CFAP69: variants seen among roughly 807,000 people sequenced by gnomAD.
The protein encoded by CFAP69 is cilia- and flagella-associated protein 69.
Under a neutral mutation model 123.0 loss-of-function variants are expected in CFAP69, and 92 were observed. The ratio of observed to expected loss-of-function variants is 0.75; its 90% confidence interval spans 0.63 to 0.89. The LOEUF is 0.89. Among genes scored for constraint, CFAP69 ranks in the 40% least tolerant of loss-of-function variants. The probability of loss-of-function intolerance (pLI) is 0.00; values close to 1 mark genes in which losing one functional copy is unlikely to be tolerated. For synonymous variants in CFAP69, 380 were observed against 364.3 expected, an observed-to-expected ratio of 1.04 and a Z score of -0.49; for missense variants, 1,067 against 1,096.9, an observed-to-expected ratio of 0.97 and a Z score of 0.39.
At chr7:90,309,521 A>T (rs1794069581) in intron 22 of CFAP69, among the ~76,000 whole-genome samples, 154 bp downstream of exon 22, 1 of 152,060 alleles carries the variant, frequency 6.6e-6, no homozygotes, top group African/African-American at 2.4e-5. Flanking sequence ...GTTCAAAAAA[A>T]ATTTTAAATT....
At chr7:90,279,233 G>A (rs1185595939) in intron 11 of CFAP69, among the ~76,000 whole-genome samples, 2 of 151,944 alleles carry the variant, frequency 1.3e-5, no homozygotes, top group Non-Finnish European at 2.9e-5. Context: ...TCTTTTTTAT[G>A]GTACACAACT....
chr7:90,309,574 G>A (rs1457417934), intron 22 of CFAP69, among the ~76,000 whole-genome samples: 3 of 151,246 alleles, frequency 2.0e-5, no homozygotes, highest in African/African-American at 4.9e-5. Context: ...AAAAACTTAG[G>A]CCCCCAAAAT....
chr7:90,304,960 TGAA>T (rs1793350832), intron 19 of CFAP69, 140 bp downstream of exon 19: 2 of 648,422 alleles, frequency 3.1e-6, no homozygotes, highest in South Asian at 4.5e-5. Flanking sequence ...CTGATGCTGT[TGAA>T]GAAATACACC....
intron 5 of CFAP69, among the ~76,000 whole-genome samples, chr7:90,267,819 A>G (rs1332823812): frequency 6.6e-6 from 1 of 152,222 alleles, no homozygotes; most frequent in Non-Finnish European, 1.5e-5. Flanking sequence ...AGTATCTAAC[A>G]CATGTAGAAC....
At position 90,282,815 on chromosome 7, in the gene CFAP69, G is replaced by T. The variant is rs1789682695; in HGVS notation, c.1373-77G>T. 8 of 1,164,842 alleles carry T rather than the reference G, an allele frequency of 6.9e-6. 2 individuals are homozygous for T. In the Middle Eastern group the frequency reaches 1.5e-3, roughly 218 times the overall value. 72.2% of individuals were successfully genotyped at this position (1,164,842 alleles called of 1,614,324 possible). Reference sequence around the variant, plus strand: ...AATTTTAACATTTGTTTAAACTTTTGATAGATGTATAAGATATCTGATATA... The same window carrying T: ...AATTTTAACATTTGTTTAAACTTTTTATAGATGTATAAGATATCTGATATA... On this transcript the variant is annotated intron_variant, in intron 12 of 22. Transcript: ENST00000389297.
chr7:90,291,035 T>C (rs148891282), intron 15 of CFAP69, among the ~76,000 whole-genome samples: 2 of 152,182 alleles, frequency 1.3e-5, no homozygotes, highest in East Asian at 3.9e-4. Context: ...GTAGGCACTT[T>C]AGCAAATTCT....
chr7:90,304,257 C>A (rs1411225297), intron 18 of CFAP69, 151 bp downstream of exon 18: 6 of 1,365,780 alleles, frequency 4.4e-6, no homozygotes, highest in African/African-American at 1.5e-5. Flanking sequence ...CCAAACTGCA[C>A]CCCTCACCAA....
chr7:90,313,843 G>A (rs1033228080), downstream of CFAP69, among the ~76,000 whole-genome samples: 1 of 152,166 alleles, frequency 6.6e-6, no homozygotes, highest in Non-Finnish European at 1.5e-5. Flanking sequence ...TATGCTTAGT[G>A]ACTTCTTTCC....
rs746718451 is a variant in CFAP69 at position 90,286,414 on chromosome 7, G to GAAAGTTTTGTTCAGGTCTCCCAGTCA, written c.1656+16_1656+41dup. On this transcript the variant is annotated intron_variant, in intron 14 of 22. Coordinates refer to ENST00000389297, the MANE Select transcript of CFAP69 (RefSeq NM_001039706.3). ...TTCAAAGGAAGGTATGTATGCCTGT[G>GAAAGTTTTGTTCAGGTCTCCCAGTCA]AAAGTTTTGTTCAGGTCTCCCAGTC... 5.0e-6 allele frequency: 8 copies of GAAAGTTTTGTTCAGGTCTCCCAGTCA among 1,608,520 alleles called. No individual in the cohort carries two copies. The Admixed American group carries it at 1.4e-4, about 27-fold the overall frequency.
intron 14 of CFAP69, among the ~76,000 whole-genome samples, chr7:90,287,323 G>A (rs904029708): frequency 9.2e-5 from 14 of 151,840 alleles, no homozygotes; most frequent in African/African-American, 2.7e-4. Context: ...CATTTCTCTC[G>A]GGTAAGTATC....
intron 9 of CFAP69, chr7:90,276,193 C>G (rs1198960893): frequency 6.6e-6 from 1 of 152,166 alleles, no homozygotes; most frequent in Non-Finnish European, 1.5e-5. Flanking sequence ...CTGTGACGAC[C>G]TCAGCCCACT....
chr7:90,289,587 T>C (rs1421116140), intron 15 of CFAP69, among the ~76,000 whole-genome samples: 1 of 152,190 alleles, frequency 6.6e-6, no homozygotes, highest in African/African-American at 2.4e-5. Context: ...ATTTTCACTC[T>C]CTTCACTCTC....
At chr7:90,275,590 C>CTTTTTTTTTTTT (rs57578763) in intron 9 of CFAP69, among the ~76,000 whole-genome samples, 1 of 62,040 alleles carries the variant, frequency 1.6e-5, no homozygotes, top group Admixed American at 2.8e-4. Flanking sequence ...GGCCAAAAGC[C>CTTTTTTTTTTTT]TTTTTTTTTT....
Position 90,245,348 on chromosome 7 carries a change from C to T in CFAP69, c.-77C>T. On this transcript the variant is annotated 5_prime_UTR_variant, in exon 1 of 23. Coordinates refer to ENST00000389297, the MANE Select transcript of CFAP69 (RefSeq NM_001039706.3). ...CTGCCTTCCCTTCTCGGTGGCGGGG[C>T]CTCTTTGGGCCCAGCGGCTGCGGGC... The T allele has an allele frequency of 7.0e-7, 1 of 1,419,124 alleles. No homozygotes were observed. The highest frequency in any genetic ancestry group is 9.2e-7 in the Non-Finnish European group (1 of 1,083,668). 87.9% of individuals were successfully genotyped at this position (1,419,124 alleles called of 1,614,324 possible).
chr7:90,291,933 G>T (rs1216837647), intron 15 of CFAP69, among the ~76,000 whole-genome samples: 1 of 152,278 alleles, frequency 6.6e-6, no homozygotes, highest in South Asian at 2.1e-4. Flanking sequence ...AGAGATCACT[G>T]GTTGGTTCCC....
chr7:90,265,747 A>G (rs914466962), intron 5 of CFAP69, among the ~76,000 whole-genome samples: 2 of 152,232 alleles, frequency 1.3e-5, no homozygotes, highest in Admixed American at 6.5e-5. Flanking sequence ...AATTGCTGCA[A>G]TCATAGAATT....
intron 17 of CFAP69, 145 bp from the exon 18 acceptor site, chr7:90,303,824 A>C (rs1253404084): frequency 2.5e-6 from 3 of 1,214,650 alleles, no homozygotes; most frequent in Non-Finnish European, 3.1e-6. Flanking sequence ...TTATTTCAAA[A>C]GTGTAACCGT....
intron 5 of CFAP69, 38 bp from the exon 6 acceptor site, chr7:90,268,248 C>T (rs537665078): frequency 3.9e-6 from 5 of 1,274,670 alleles, no homozygotes; most frequent in Non-Finnish European, 4.5e-6. Flanking sequence ...AAGCTTATGA[C>T]AGTGTTGTTA....
intron 1 of CFAP69, among the ~76,000 whole-genome samples, chr7:90,253,154 G>A (rs1231479188): frequency 6.6e-6 from 1 of 152,112 alleles, no homozygotes; most frequent in African/African-American, 2.4e-5. Context: ...GCAGGAAAGA[G>A]GATACAAAGG....
Sources: allele counts gnomAD v4.1 joint callset (sites outside exome capture counted in the v4.1 genomes callset), GRCh38; gene constraint gnomAD v4.1.1; transcripts MANE v1.5; gene names NCBI Gene and HGNC (gene_info 2026-07-23, HGNC 2026-07-21).